TNIK: variants seen among roughly 807,000 people sequenced by gnomAD.
TNIK encodes the protein TRAF2 and NCK interacting kinase.
TNIK carries 49 observed loss-of-function variants against 191.3 expected under a neutral mutation model. The observed-to-expected ratio is 0.26, with a 90% CI of 0.20 to 0.32. TNIK has a LOEUF of 0.32. Among genes scored for constraint, TNIK ranks in the 10% least tolerant of loss-of-function variants. The pLI is 1.00. For missense variants in TNIK, 1,155 were observed against 1,702.3 expected, an observed-to-expected ratio of 0.68 and a Z score of 5.66; for synonymous variants, 594 against 600.9, an observed-to-expected ratio of 0.99 and a Z score of 0.17.
chr3:171,138,255 T>G lies in TNIK; in HGVS notation c.1544A>C (p.Lys515Thr). ...TTCTTTGTAATGGTACAGTGGCTTC[T>G]TCTCCACAGGCCTCTGCTCCTGCCG... ...HQRQEQRPVE[K>T]KPLYHYKEGM... The change falls in exon 15 of 33, where the codon AAG (lysine) becomes ACG (threonine). Residue 515 changes from lysine (K) to threonine (T), a missense_variant. This residue lies in a region of TNIK where 735 missense variants were observed against 848.0 expected (regional missense o/e 0.87). Transcript: ENST00000436636. The G allele has an allele frequency of 1.2e-6, 2 of 1,613,698 alleles. No individual in the cohort carries two copies. The highest frequency in any genetic ancestry group is 1.3e-5 in the African/African-American group (1 of 75,004).
chr3:171,439,352 A>C (rs1726457982), intron 1 of TNIK, among the ~76,000 whole-genome samples: 1 of 151,744 alleles, frequency 6.6e-6, no homozygotes, highest in Non-Finnish European at 1.5e-5. Flanking sequence ...TCAAAAAAAA[A>C]AAAAGAAAAA....
chr3:171,434,303 T>A (rs1415938140), intron 1 of TNIK, among the ~76,000 whole-genome samples: 2 of 152,124 alleles, frequency 1.3e-5, no homozygotes, highest in African/African-American at 4.8e-5. Context: ...ATACTATTGA[T>A]TTGGGTATAT....
At chr3:171,134,544 C>T (rs1220937407) in intron 15 of TNIK, among the ~76,000 whole-genome samples, 5 of 152,174 alleles carry the variant, frequency 3.3e-5, no homozygotes, top group African/African-American at 1.2e-4. Context: ...TTTTGCCTCC[C>T]AAAGTGCTGG....
intron 2 of TNIK, among the ~76,000 whole-genome samples, chr3:171,334,000 T>C (rs1756694781): frequency 6.6e-6 from 1 of 152,148 alleles, no homozygotes; most frequent in African/African-American, 2.4e-5. Context: ...CCTTGTTTCT[T>C]CACCAGCTCT....
chr3:171,278,857 T>C (rs1181973922), intron 2 of TNIK, among the ~76,000 whole-genome samples: 3 of 152,152 alleles, frequency 2.0e-5, no homozygotes, highest in African/African-American at 7.2e-5. Flanking sequence ...TCAGTGGATA[T>C]GAGATGTTAG....
At chr3:171,288,807 C>CA (rs10666822) in intron 2 of TNIK, among the ~76,000 whole-genome samples, 24,669 of 108,832 alleles carry the variant, frequency 0.23, 2,654 homozygotes, top group African/African-American at 0.27. Flanking sequence ...GACTCCATCT[C>CA]AAAAAAAAAA....
intron 2 of TNIK, among the ~76,000 whole-genome samples, chr3:171,350,077 CA>C (rs36118157): frequency 2.6e-5 from 2 of 77,952 alleles, no homozygotes; most frequent in African/African-American, 7.9e-5. Context: ...AACATTATAG[CA>C]AATGTTTTTG....
chr3:171,163,871 A>G (rs931548828), intron 10 of TNIK, among the ~76,000 whole-genome samples: 6 of 152,210 alleles, frequency 3.9e-5, no homozygotes. Flanking sequence ...ATGTGTCAGC[A>G]TATGTTAGGG....
chr3:171,233,303 A>AT lies in TNIK; in HGVS notation c.124-5083dup, dbSNP rs34572933. Among the ~76,000 whole-genome samples the AT allele has an allele frequency of 3.4e-3, 511 of 151,514 alleles. 2 individuals are homozygous for AT. Among genetic ancestry groups the AT allele is most frequent in the African/African-American group, 0.01 (433 of 41,298 alleles). ...CCCACTGATCATAACCAGCACTGTG[A>AT]TTTTTTTTTCAAAACACGCATCACC... On this transcript the variant is annotated intron_variant, in intron 2 of 32. Transcript: ENST00000436636.
intron 12 of TNIK, among the ~76,000 whole-genome samples, chr3:171,147,130 A>T (rs16855904): frequency 0.011 from 1,682 of 152,148 alleles, 29 homozygotes; most frequent in African/African-American, 0.039. Context: ...ATCTTGGGTG[A>T]CCTCCTGAAA....
intron 18 of TNIK, among the ~76,000 whole-genome samples, chr3:171,112,067 T>A (rs754207050): frequency 5.3e-5 from 8 of 152,160 alleles, no homozygotes; most frequent in Non-Finnish European, 8.8e-5. Context: ...TTAAATGTCA[T>A]CAGAAAAAAA....
intron 2 of TNIK, among the ~76,000 whole-genome samples, chr3:171,341,827 TCCA>T (rs1757566989): frequency 6.6e-6 from 1 of 152,162 alleles, no homozygotes; most frequent in Non-Finnish European, 1.5e-5. Flanking sequence ...CACTGTTGAA[TCCA>T]CCATCTTATT....
intron 15 of TNIK, among the ~76,000 whole-genome samples, chr3:171,134,458 T>C (rs1219113264): frequency 6.6e-6 from 1 of 152,174 alleles, no homozygotes; most frequent in Admixed American, 6.5e-5. Context: ...TTTTTATTAT[T>C]ATCTGTAGAG....
intron 2 of TNIK, among the ~76,000 whole-genome samples, chr3:171,272,403 A>G (rs756690591): frequency 8.5e-5 from 13 of 152,238 alleles, no homozygotes; most frequent in Non-Finnish European, 1.6e-4. Flanking sequence ...TCAGCCATGA[A>G]TTGCTAAGGG....
chr3:171,087,828 T>TAGCACAAAAC (rs1721567953), intron 23 of TNIK, among the ~76,000 whole-genome samples: 1 of 152,200 alleles, frequency 6.6e-6, no homozygotes, highest in African/African-American at 2.4e-5. Context: ...TGTAAACTCT[T>TAGCACAAAAC]TTGTAGTACT....
At chr3:171,190,492 T>C (rs1737914502) in intron 6 of TNIK, among the ~76,000 whole-genome samples, 1 of 152,240 alleles carries the variant, frequency 6.6e-6, no homozygotes, top group South Asian at 2.1e-4. Flanking sequence ...AAGCAAGTGG[T>C]TCTGTTCCCA....
At chr3:171,186,541 A>G (rs963181872) in intron 7 of TNIK, among the ~76,000 whole-genome samples, 3 of 152,176 alleles carry the variant, frequency 2.0e-5, no homozygotes, top group African/African-American at 7.2e-5. Context: ...ATGGCATATA[A>G]CCAGTGAAGC....
intron 1 of TNIK, among the ~76,000 whole-genome samples, chr3:171,398,346 T>C (rs1189519994): frequency 6.6e-6 from 1 of 152,176 alleles, no homozygotes; most frequent in Non-Finnish European, 1.5e-5. Flanking sequence ...ACATTTTTAT[T>C]TAGGGGGAAA....
intron 2 of TNIK, among the ~76,000 whole-genome samples, chr3:171,360,345 G>A (rs949595688): frequency 6.6e-6 from 1 of 152,194 alleles, no homozygotes; most frequent in African/African-American, 2.4e-5. Flanking sequence ...AAATCATTTT[G>A]CTAATGGTTT....
Sources: allele counts gnomAD v4.1 joint callset (sites outside exome capture counted in the v4.1 genomes callset), GRCh38; gene constraint gnomAD v4.1.1; regional missense constraint gnomAD v4.1.1; transcripts MANE v1.5; gene names NCBI Gene and HGNC (gene_info 2026-07-23, HGNC 2026-07-21).